ZSWIM5: variants seen among roughly 807,000 people sequenced by gnomAD.
ZSWIM5 encodes the protein zinc finger SWIM domain-containing protein 5.
ZSWIM5 carries 55 observed loss-of-function variants against 119.6 expected under a neutral mutation model. The ratio of observed to expected loss-of-function variants is 0.46; its 90% CI spans 0.37 to 0.58. The LOEUF (loss-of-function observed/expected upper bound fraction) is 0.58. Ranked by LOEUF, ZSWIM5 falls within the 20% of genes least tolerant of loss-of-function variation. The pLI is 0.00. For synonymous variants in ZSWIM5, 537 were observed against 606.9 expected (o/e 0.88, Z 1.69); for missense variants, 1,193 against 1,512.8 (o/e 0.79, Z 3.51).
intron 1 of ZSWIM5, among the ~76,000 whole-genome samples, chr1:45,163,404 C>T (rs1193881844): frequency 6.6e-6 from 1 of 152,228 alleles, no homozygotes; most frequent in Non-Finnish European, 1.5e-5. Context: ...TTCTAAAAAT[C>T]AGAGTGCCTC....
At chr1:45,167,590 T>C (rs2149044155) in intron 1 of ZSWIM5, among the ~76,000 whole-genome samples, 1 of 152,148 alleles carries the variant, frequency 6.6e-6, no homozygotes, top group South Asian at 2.1e-4. Context: ...AAAGGGCTAA[T>C]ATCCAGAATC....
chr1:45,047,493 G>A (rs1557747642), intron 5 of ZSWIM5, among the ~76,000 whole-genome samples: 1 of 152,116 alleles, frequency 6.6e-6, no homozygotes, highest in African/African-American at 2.4e-5. Context: ...AGTCATGAGA[G>A]TGTTTTTTGT....
At chr1:45,096,554 GCACACACA>G (rs371529571) in intron 1 of ZSWIM5, among the ~76,000 whole-genome samples, 1 of 135,308 alleles carries the variant, frequency 7.4e-6, no homozygotes, top group Non-Finnish European at 1.6e-5. Context: ...ACACACACAC[GCACACACA>G]CACACACACA....
At chr1:45,122,817 A>G (rs1207187581) in intron 1 of ZSWIM5, among the ~76,000 whole-genome samples, 1 of 152,228 alleles carries the variant, frequency 6.6e-6, no homozygotes, top group African/African-American at 2.4e-5. Flanking sequence ...CACAGAGAAC[A>G]CTGAAACCAA....
intron 1 of ZSWIM5, among the ~76,000 whole-genome samples, chr1:45,194,393 G>T (rs1646110047): frequency 6.6e-6 from 1 of 152,058 alleles, no homozygotes; most frequent in African/African-American, 2.4e-5. Flanking sequence ...TAACAAAAAA[G>T]GTAAGGATTA....
At chr1:45,150,836 A>G (rs1645792924) in intron 1 of ZSWIM5, among the ~76,000 whole-genome samples, 1 of 152,182 alleles carries the variant, frequency 6.6e-6, no homozygotes, top group African/African-American at 2.4e-5. Flanking sequence ...AAATCTATCA[A>G]CAATAATCCA....
chr1:45,142,724 A>G (rs1452500971), intron 1 of ZSWIM5, among the ~76,000 whole-genome samples: 1 of 152,158 alleles, frequency 6.6e-6, no homozygotes, highest in East Asian at 1.9e-4. Flanking sequence ...AAATTCTTCC[A>G]AATATTTAAA....
intron 1 of ZSWIM5, among the ~76,000 whole-genome samples, chr1:45,107,461 A>G (rs1000819048): frequency 6.6e-5 from 10 of 151,716 alleles, no homozygotes; most frequent in African/African-American, 2.4e-4. Context: ...ACACAGTGAA[A>G]TCCTGTCTCT....
intron 2 of ZSWIM5, among the ~76,000 whole-genome samples, chr1:45,075,164 G>A (rs1295046835): frequency 1.4e-4 from 21 of 152,054 alleles, no homozygotes; most frequent in Admixed American, 1.4e-3. Context: ...CATGTGCTGA[G>A]GAAAAGAATG....
chr1:45,183,985 T>C (rs1646040294), intron 1 of ZSWIM5, among the ~76,000 whole-genome samples: 1 of 152,112 alleles, frequency 6.6e-6, no homozygotes, highest in African/African-American at 2.4e-5. Flanking sequence ...TGAACATTGA[T>C]GCAAAAATCC....
In ZSWIM5 at chr1:45,019,213, G is replaced by T; in HGVS notation, c.2799C>A (p.Ile933=). 3.7e-6 allele frequency: 6 copies of T among 1,613,706 alleles called. No individual in the cohort carries two copies. The highest frequency in any genetic ancestry group is 5.1e-6 in the Non-Finnish European group (6 of 1,180,028). ...VAATAVSHTT[I]LRLSLDYPQR... Reference sequence around the variant, plus strand: ...GTGGATAGTCAAGACTGAGGCGCAGGATAGTGGTGTGGGATACGGCTGTGG... The same window carrying T: ...GTGGATAGTCAAGACTGAGGCGCAGTATAGTGGTGTGGGATACGGCTGTGG... Residue 933 remains isoleucine (I), a synonymous_variant, in exon 14 of 14, where the codon ATC becomes ATA. Transcript: ENST00000359600. The surrounding 1 kb of genome is among the most constrained non-coding windows in gnomAD (Gnocchi z 5.0).
At position 45,072,250 on chromosome 1, in the gene ZSWIM5, A is replaced by G. The variant is rs567121516; in HGVS notation, c.953-12003T>C. Among the ~76,000 whole-genome samples the G allele has an allele frequency of 1.3e-5, 2 of 152,060 alleles. No individual in the cohort carries two copies. The highest frequency in any genetic ancestry group is 4.8e-5 in the African/African-American group (2 of 41,332). The stretch of plus-strand genomic sequence containing the variant: ...TTTTGAGAAATGTCTGTTCAGATCT[A>G]TTGCCCATTTTAACATCAGATTATT... On this transcript the variant is annotated intron_variant, in intron 2 of 13. Transcript: ENST00000359600. The surrounding 1 kb of genome is among the most constrained non-coding windows in gnomAD (Gnocchi z 4.1).
chr1:45,114,218 T>A (rs1645533681), intron 1 of ZSWIM5, among the ~76,000 whole-genome samples: 1 of 152,116 alleles, frequency 6.6e-6, no homozygotes, highest in Non-Finnish European at 1.5e-5. Flanking sequence ...GGGGAGAAGA[T>A]CATTCATGGG....
rs1344392351 is a variant in ZSWIM5 at position 45,035,687 on chromosome 1, C to T, written c.2291+1G>A. 1.2e-6 allele frequency: 2 copies of T among 1,613,040 alleles called. No homozygotes were observed. Among genetic ancestry groups the T allele is most frequent in the Non-Finnish European group, 8.5e-7 (1 of 1,179,924 alleles). ...AATTGGACTGGGAAAGGGCTACCCA[C>T]CTCATGGCACGTAAGGCTAATTTAT... is the stretch of plus-strand genomic sequence containing the variant. On this transcript the variant is annotated splice_donor_variant, in intron 10 of 13. Transcript: ENST00000359600. LOFTEE classifies it high-confidence loss of function.
intron 1 of ZSWIM5, among the ~76,000 whole-genome samples, chr1:45,100,275 T>C (rs1645431575): frequency 6.6e-6 from 1 of 152,100 alleles, no homozygotes; most frequent in African/African-American, 2.4e-5. Flanking sequence ...GAGAGCCAAA[T>C]CATGAGTGAA....
intron 1 of ZSWIM5, among the ~76,000 whole-genome samples, chr1:45,193,000 T>C (rs1646101169): frequency 6.6e-6 from 1 of 152,190 alleles, no homozygotes; most frequent in Non-Finnish European, 1.5e-5. Flanking sequence ...AATTAGGTTT[T>C]TTCTTGTGGC....
At chr1:45,129,293 G>A (rs1645640682) in intron 1 of ZSWIM5, among the ~76,000 whole-genome samples, 1 of 151,556 alleles carries the variant, frequency 6.6e-6, no homozygotes, top group Admixed American at 6.6e-5. Flanking sequence ...CGAGTAGCTG[G>A]GACTACAGGC....
chr1:45,065,701 T>C (rs1645178616), intron 2 of ZSWIM5, among the ~76,000 whole-genome samples: 1 of 152,138 alleles, frequency 6.6e-6, no homozygotes, highest in Non-Finnish European at 1.5e-5. Flanking sequence ...ACTGAGCTGC[T>C]AAAATGGGTG....
At chr1:45,127,729 A>C (rs445436) in intron 1 of ZSWIM5, among the ~76,000 whole-genome samples, 6,113 of 152,194 alleles carry the variant, frequency 0.04, 145 homozygotes, top group Non-Finnish European at 0.058. Context: ...TTGAGCCCTC[A>C]CCACTCTTAC....
Sources: gnomAD v4.1 joint callset for allele counts (sites outside exome capture counted in the v4.1 genomes callset) on GRCh38, gnomAD v4.1.1 for gene constraint, Gnocchi (gnomAD v3.1) non-coding constraint, MANE v1.5 for transcripts, NCBI Gene and HGNC (gene_info 2026-07-23, HGNC 2026-07-21) for gene names.